NR3C1: variants seen among roughly 807,000 people sequenced by gnomAD.
NR3C1 encodes the protein nuclear receptor subfamily 3 group C member 1, also known as glucocorticoid receptor.
Under a neutral mutation model 74.0 loss-of-function variants are expected in NR3C1, and 14 were observed. The observed-to-expected ratio is 0.19, with a 90% CI of 0.12 to 0.30. NR3C1 has a LOEUF of 0.30. Ranked by LOEUF, NR3C1 falls within the 10% of genes least tolerant of loss-of-function variation. The pLI, the probability that NR3C1 is intolerant of heterozygous loss-of-function variation, is 1.00. For synonymous variants in NR3C1, 308 were observed against 332.5 expected, an observed-to-expected ratio of 0.93 and a Z score of 0.80; for missense variants, 695 against 909.8, an observed-to-expected ratio of 0.76 and a Z score of 3.04.
intron 2 of NR3C1, among the ~76,000 whole-genome samples, chr5:143,365,601 T>C (rs1201669972): frequency 3.9e-5 from 6 of 152,136 alleles, no homozygotes; most frequent in African/African-American, 9.7e-5. Context: ...CTACTTCCAA[T>C]AGACAGAACA....
chr5:143,290,061 C>CTAAG (rs1275632193), intron 7 of NR3C1, among the ~76,000 whole-genome samples: 10 of 152,096 alleles, frequency 6.6e-5, no homozygotes, highest in Admixed American at 6.6e-4. Context: ...CTAGATTTAT[C>CTAAG]TAAGTATTCT....
chr5:143,344,202 G>A, intron 2 of NR3C1, among the ~76,000 whole-genome samples: 1 of 152,046 alleles, frequency 6.6e-6, no homozygotes, highest in East Asian at 1.9e-4. Flanking sequence ...AGGTAAGAGA[G>A]AAAAAGTAGA....
intron 2 of NR3C1, among the ~76,000 whole-genome samples, chr5:143,396,968 T>C (rs960824965): frequency 1.3e-4 from 19 of 151,880 alleles, no homozygotes; most frequent in Admixed American, 1.2e-3. Flanking sequence ...TTTAAAAGCA[T>C]ATTAAGTTAG....
chr5:143,312,269 C>G (rs1279726877), intron 3 of NR3C1, among the ~76,000 whole-genome samples: 1 of 152,040 alleles, frequency 6.6e-6, no homozygotes, highest in East Asian at 1.9e-4. Context: ...CAAGATTGGT[C>G]TGTGTGGCCA....
upstream of NR3C1, chr5:143,403,817 C>T (rs1462999049): frequency 3.1e-6 from 3 of 973,674 alleles, no homozygotes; most frequent in Non-Finnish European, 3.7e-6. Flanking sequence ...GCAGGGGCGC[C>T]CGCGGTCCCT....
chr5:143,317,323 T>C (rs1300671247), intron 2 of NR3C1, among the ~76,000 whole-genome samples: 3 of 152,078 alleles, frequency 2.0e-5, no homozygotes, highest in Non-Finnish European at 2.9e-5. Flanking sequence ...ATAGTAAGAG[T>C]GCATATTTCA....
chr5:143,418,766 G>C (rs1751057740), intron 1 of NR3C1, among the ~76,000 whole-genome samples: 1 of 152,326 alleles, frequency 6.6e-6, no homozygotes, highest in South Asian at 2.1e-4. Context: ...TGATGACACA[G>C]ATTATGCTGA....
At position 143,403,292 on chromosome 5, in the gene NR3C1, A is replaced by G. The variant is rs557913778; in HGVS notation, c.-95T>C. 20 of 984,686 alleles carry G rather than the reference A, an allele frequency of 2.0e-5. No individual in the cohort carries two copies. In the East Asian group the frequency reaches 3.4e-4, roughly 17 times the overall value. 61.0% of individuals were successfully genotyped at this position (984,686 alleles called of 1,614,324 possible). On this transcript the variant is annotated 5_prime_UTR_variant, in exon 1 of 9. Coordinates refer to ENST00000394464, the MANE Select transcript of NR3C1 (RefSeq NM_000176.3). ...TAAACAACTTAGCTTGTGAACGCAG[A>G]AGGAGCAGGAGGGAAATATATTTTT...
chr5:143,404,193 G>A, upstream of NR3C1: 3 of 985,500 alleles, frequency 3.0e-6, no homozygotes, highest in Non-Finnish European at 3.6e-6. Flanking sequence ...TGAGCTGCGT[G>A]AGTGGCCCGC....
intron 2 of NR3C1, among the ~76,000 whole-genome samples, chr5:143,392,027 G>A (rs1236355695): frequency 1.3e-5 from 2 of 151,488 alleles, no homozygotes. Context: ...GTGCAGTGGT[G>A]CAACCTCGGC....
At chr5:143,317,994 A>T (rs145838593) in intron 2 of NR3C1, among the ~76,000 whole-genome samples, 1 of 152,140 alleles carries the variant, frequency 6.6e-6, no homozygotes, top group Non-Finnish European at 1.5e-5. Context: ...GTGCTCTAAT[A>T]GCTGTGACAG....
chr5:143,283,545 A>G (rs780767272), intron 7 of NR3C1, among the ~76,000 whole-genome samples: 4 of 152,252 alleles, frequency 2.6e-5, no homozygotes, highest in Admixed American at 6.5e-5. Context: ...ATATCTTGGA[A>G]TATCTGTGAT....
intron 2 of NR3C1, among the ~76,000 whole-genome samples, chr5:143,377,803 GTCTT>G (rs1205453289): frequency 3.9e-5 from 6 of 152,192 alleles, no homozygotes; most frequent in Non-Finnish European, 8.8e-5. Context: ...CAAATTAAGA[GTCTT>G]TCTTTACTAG....
intron 1 of NR3C1, among the ~76,000 whole-genome samples, chr5:143,426,006 A>C (rs1751509149): frequency 1.4e-4 from 22 of 152,246 alleles, no homozygotes; most frequent in Admixed American, 1.4e-3. Context: ...CAAATATGGT[A>C]GATTCAGAGG....
At chr5:143,282,235 GAATT>G (rs1250932480) in intron 8 of NR3C1, among the ~76,000 whole-genome samples, 194 bp from the exon 9 acceptor site, 6 of 152,184 alleles carry the variant, frequency 3.9e-5, no homozygotes, top group Admixed American at 3.9e-4. Context: ...GAATTATATA[GAATT>G]ATTTCATGAA....
chr5:143,351,434 G>A (rs895904888), intron 2 of NR3C1, among the ~76,000 whole-genome samples: 2 of 152,098 alleles, frequency 1.3e-5, no homozygotes, highest in African/African-American at 4.8e-5. Context: ...CATTCAAAGA[G>A]TCAGGATTAT....
chr5:143,404,513 C>G (rs1276951870), upstream of NR3C1: 7 of 975,588 alleles, frequency 7.2e-6, no homozygotes, highest in South Asian at 4.8e-5. Context: ...CCCCGCGCCC[C>G]GACCGTCCCC....
intron 2 of NR3C1, among the ~76,000 whole-genome samples, chr5:143,346,317 A>G (rs1829280354): frequency 6.6e-6 from 1 of 152,174 alleles, no homozygotes; most frequent in South Asian, 2.1e-4. Flanking sequence ...CATACAGCAC[A>G]ATCTCCTAAT....
At chr5:143,407,307 G>C (rs577360889), upstream of NR3C1, 1 of 152,138 alleles carries the variant, frequency 6.6e-6, no homozygotes, top group East Asian at 1.9e-4. Context: ...TGGCCAAATG[G>C]GTTAATAAAA....
Sources: gnomAD v4.1 joint callset for allele counts (sites outside exome capture counted in the v4.1 genomes callset) on GRCh38, gnomAD v4.1.1 for gene constraint, MANE v1.5 for transcripts, NCBI Gene and HGNC (gene_info 2026-07-23, HGNC 2026-07-21) for gene names.